Variants in CCDC138 observed in about 807,000 individuals in gnomAD.
The protein encoded by CCDC138 is coiled-coil domain containing 138, also known as coiled-coil domain-containing protein 138.
CCDC138 carries 66 observed loss-of-function variants against 82.3 expected under a neutral mutation model. The observed-to-expected ratio is 0.80, with a 90% confidence interval of 0.66 to 0.98. CCDC138 has a LOEUF of 0.98. Among genes scored for constraint, CCDC138 ranks in the 50% least tolerant of loss-of-function variants. The pLI, the probability that CCDC138 is intolerant of heterozygous loss-of-function variation, is 0.00. For synonymous variants in CCDC138, 297 were observed against 265.4 expected (o/e 1.12, Z -1.16); for missense variants, 816 against 758.9 (o/e 1.08, Z -0.88).
intron 2 of CCDC138, 32 bp downstream of exon 2, chr2:108,788,121 CA>C: frequency 1.3e-6 from 2 of 1,589,180 alleles, no homozygotes; most frequent in South Asian, 1.2e-5. Flanking sequence ...TTGGGGGTTT[CA>C]AAAATTTAAT....
At chr2:108,839,773 C>T (rs1053450706) in intron 11 of CCDC138, among the ~76,000 whole-genome samples, 2 of 151,380 alleles carry the variant, frequency 1.3e-5, no homozygotes, top group Non-Finnish European at 1.5e-5. Flanking sequence ...GAAGATTCCT[C>T]AGGATTTTTA....
chr2:108,883,925 A>G (rs1323079323), intron 2 of CCDC138: 1 of 138,758 alleles, frequency 7.2e-6, no homozygotes, highest in African/African-American at 2.7e-5. Flanking sequence ...ACTTGTTTTG[A>G]TTTTTTGTTT....
At chr2:108,852,668 A>C (rs1048225534) in intron 12 of CCDC138, among the ~76,000 whole-genome samples, 1 of 152,188 alleles carries the variant, frequency 6.6e-6, no homozygotes, top group African/African-American at 2.4e-5. Context: ...ATCAAATAAC[A>C]CATGTTCTCA....
chr2:108,830,566 G>A (rs1487466638), intron 10 of CCDC138, among the ~76,000 whole-genome samples: 1 of 151,570 alleles, frequency 6.6e-6, no homozygotes, highest in East Asian at 1.9e-4. Flanking sequence ...CAGCACTTTG[G>A]GAGGCCGAGG....
chr2:108,842,638 G>C (rs1470734690), intron 11 of CCDC138, among the ~76,000 whole-genome samples: 1 of 152,146 alleles, frequency 6.6e-6, no homozygotes. Flanking sequence ...GCTTCATCTA[G>C]CTATTCCATA....
chr2:108,840,560 T>C (rs1369907365), intron 11 of CCDC138, among the ~76,000 whole-genome samples: 1 of 152,226 alleles, frequency 6.6e-6, no homozygotes, highest in Admixed American at 6.5e-5. Context: ...TAGTAGTTTG[T>C]GCTTTTTGAG....
intron 7 of CCDC138, among the ~76,000 whole-genome samples, chr2:108,811,100 CT>C (rs55966487): frequency 5.3e-5 from 8 of 149,542 alleles, no homozygotes; most frequent in South Asian, 2.1e-4. Flanking sequence ...TTTTTCTTTT[CT>C]TTTTTTTTTT....
intron 13 of CCDC138, among the ~76,000 whole-genome samples, chr2:108,864,593 C>A (rs1381946175): frequency 6.6e-6 from 1 of 151,920 alleles, no homozygotes; most frequent in African/African-American, 2.4e-5. Flanking sequence ...GTTAGGAGAT[C>A]GAGAGCAGCC....
At chr2:108,792,780 G>A (rs1162706271) in intron 4 of CCDC138, among the ~76,000 whole-genome samples, 3 of 152,142 alleles carry the variant, frequency 2.0e-5, no homozygotes, top group East Asian at 1.9e-4. Flanking sequence ...ACCACTGAGC[G>A]TCGGCCAGGC....
At chr2:108,789,444 A>AT (rs1679536298) in intron 3 of CCDC138, among the ~76,000 whole-genome samples, 1 of 152,134 alleles carries the variant, frequency 6.6e-6, no homozygotes, top group Non-Finnish European at 1.5e-5. Context: ...AAATAGAAAA[A>AT]TTAGCCAGGC....
intron 13 of CCDC138, among the ~76,000 whole-genome samples, chr2:108,862,575 T>C (rs572930433): frequency 6.6e-6 from 1 of 152,254 alleles, no homozygotes; most frequent in South Asian, 2.1e-4. Context: ...ACAAAGCAAA[T>C]ATGTGAGGTA....
chr2:108,876,143 CAAAG>C lies in CCDC138; in HGVS notation c.1889_1892del (p.Gln630ArgfsTer14). The C allele has an allele frequency of 6.2e-7, 1 of 1,609,538 alleles. No individual in the cohort carries two copies. Among genetic ancestry groups the C allele is most frequent in the Non-Finnish European group, 8.5e-7 (1 of 1,176,102 alleles). The stretch of plus-strand genomic sequence containing the variant: ...GATTCATCTGATGCTTCAAGAAATA[CAAAG>C]GACAACAAACCCAGAGCATGCATTT... On this transcript the variant is annotated frameshift_variant, in exon 15 of 15. Coordinates refer to ENST00000295124, the MANE Select transcript of CCDC138 (RefSeq NM_144978.3). LOFTEE classifies it high-confidence loss of function.
At chr2:108,861,399 A>C (rs1442467552) in intron 13 of CCDC138, among the ~76,000 whole-genome samples, 2 of 150,248 alleles carry the variant, frequency 1.3e-5, no homozygotes, top group African/African-American at 4.9e-5. Context: ...TAGTTCCTGT[A>C]GGTGTGACAT....
chr2:108,820,761 G>A (rs1371308931), intron 10 of CCDC138, among the ~76,000 whole-genome samples: 10 of 147,004 alleles, frequency 6.8e-5, no homozygotes, highest in South Asian at 2.2e-4. Context: ...CAGCTAAACC[G>A]TCCTTAAGAC....
rs371226960 is a variant in CCDC138 at position 108,805,036 on chromosome 2, C to G, written c.855+28C>G. On this transcript the variant is annotated intron_variant, in intron 7 of 14. Transcript: ENST00000295124. ...AAGACCTGTTTTAATATATACTGAA[C>G]ATAAGACATTCTAAGAAGTATATTT... 85 of 1,216,182 alleles carry G rather than the reference C, an allele frequency of 7.0e-5. 1 individual carries two copies. The highest frequency in any genetic ancestry group is 4.9e-4 in the Admixed American group (17 of 34,774). The allele number at this position is 1,216,182 out of a possible 1,614,324, so 75.3% of individuals were successfully genotyped here. A position where few individuals can be genotyped will look rare whatever the true frequency, so the allele number is the denominator to read the frequency against.
chr2:108,798,680 T>C (rs971205083), intron 6 of CCDC138, 94 bp downstream of exon 6: 6 of 866,496 alleles, frequency 6.9e-6, no homozygotes, highest in Admixed American at 2.6e-5. Context: ...TGCTTATTTC[T>C]CCTTCCCTTC....
At chr2:108,883,232 T>C (rs907254846) in intron 2 of CCDC138, 1 of 152,168 alleles carries the variant, frequency 6.6e-6, no homozygotes, top group Non-Finnish European at 1.5e-5. Flanking sequence ...TCCCTGAAAA[T>C]ATTTCATGGC....
chr2:108,795,218 G>C (rs997291374), intron 5 of CCDC138, among the ~76,000 whole-genome samples: 3 of 135,292 alleles, frequency 2.2e-5, no homozygotes, highest in Non-Finnish European at 4.6e-5. Flanking sequence ...GCTGTGGTGT[G>C]ATCTTGGCTC....
At chr2:108,816,176 C>A in intron 10 of CCDC138, 71 bp downstream of exon 10, 1 of 1,094,844 alleles carries the variant, frequency 9.1e-7, no homozygotes, top group Non-Finnish European at 1.3e-6. Context: ...CAGGGCCAGG[C>A]ACAGTGGCTC....
Sources: gnomAD v4.1 joint callset for allele counts (sites outside exome capture counted in the v4.1 genomes callset) on GRCh38, gnomAD v4.1.1 for gene constraint, MANE v1.5 for transcripts, NCBI Gene and HGNC (gene_info 2026-07-23, HGNC 2026-07-21) for gene names.